Variants in AFF3 observed in about 807,000 individuals in gnomAD.
AFF3 encodes the protein ALF transcription elongation factor 3.
Under a neutral mutation model 129.7 loss-of-function variants are expected in AFF3, and 32 were observed. The observed-to-expected ratio is 0.25, with a 90% CI of 0.19 to 0.33. The LOEUF (loss-of-function observed/expected upper bound fraction) is 0.33, where lower values mean the gene tolerates loss of function less well. Ranked by LOEUF, AFF3 falls within the 10% of genes least tolerant of loss-of-function variation. AFF3 has a pLI of 1.00. For missense variants in AFF3, 1,373 were observed against 1,592.0 expected, an observed-to-expected ratio of 0.86 and a Z score of 2.34; for synonymous variants, 644 against 635.4, an observed-to-expected ratio of 1.01 and a Z score of -0.20.
rs1388527293 is a variant in AFF3 at position 100,008,951 on chromosome 2, G to C, written c.54-19C>G. 1 of 1,612,900 alleles carries C rather than the reference G, an allele frequency of 6.2e-7. No individual in the cohort carries two copies. Reference sequence around the variant, plus strand: ...ATAGACACTGCATCAGGAAAAAGAAGAGAGAACAACCACACACACAAATTA... The same window carrying C: ...ATAGACACTGCATCAGGAAAAAGAACAGAGAACAACCACACACACAAATTA... On this transcript the variant is annotated intron_variant, in intron 4 of 24. Coordinates refer to ENST00000672756, the MANE Select transcript of AFF3 (RefSeq NM_001386135.1).
Position 99,994,868 on chromosome 2 carries a change from G to A in AFF3, c.873+11764C>T, listed in dbSNP as rs192399648. ...AAGTAGGGTTCACCCTATATTTGAGGTACAGAAACTCAAGTCCAGACATCA... is the reference window on the plus strand; with the variant it reads ...AAGTAGGGTTCACCCTATATTTGAGATACAGAAACTCAAGTCCAGACATCA... On this transcript the variant is annotated intron_variant, in intron 7 of 24. Transcript: ENST00000672756. Among the ~76,000 whole-genome samples, 288 of 152,214 alleles carry A rather than the reference G, an allele frequency of 1.9e-3. 1 individual carries two copies. Among genetic ancestry groups the A allele is most frequent in the South Asian group, 3.3e-3 (16 of 4,812 alleles).
At chr2:99,687,992 G>A (rs1558748197) in intron 11 of AFF3, among the ~76,000 whole-genome samples, 2 of 152,132 alleles carry the variant, frequency 1.3e-5, no homozygotes, top group Admixed American at 6.5e-5. Context: ...ACAGGTGCCC[G>A]CCACCACGCC....
At chr2:100,102,124 A>G (rs1690779239) in intron 4 of AFF3, among the ~76,000 whole-genome samples, 1 of 152,192 alleles carries the variant, frequency 6.6e-6, no homozygotes, top group African/African-American at 2.4e-5. Context: ...GGACACACAG[A>G]AAGTTCTCAA....
At chr2:100,114,474 C>T (rs1573454394) in intron 2 of AFF3, among the ~76,000 whole-genome samples, 2 of 152,100 alleles carry the variant, frequency 1.3e-5, no homozygotes, top group East Asian at 1.9e-4. Flanking sequence ...CTCTGCCTCC[C>T]GAGTTCAAGG....
chr2:99,622,496 A>C, intron 13 of AFF3, among the ~76,000 whole-genome samples: 1 of 152,222 alleles, frequency 6.6e-6, no homozygotes, highest in East Asian at 1.9e-4. Context: ...GGAATGAAAT[A>C]AACTAGAATG....
chr2:99,676,913 C>T (rs1026707347), intron 11 of AFF3, among the ~76,000 whole-genome samples: 19 of 152,110 alleles, frequency 1.2e-4, no homozygotes, highest in Non-Finnish European at 4.4e-5. Context: ...AGTCCCTCCA[C>T]GAGGAGCCAA....
At chr2:99,954,377 A>G (rs1676435433) in intron 7 of AFF3, among the ~76,000 whole-genome samples, 1 of 152,172 alleles carries the variant, frequency 6.6e-6, no homozygotes, top group Non-Finnish European at 1.5e-5. Context: ...GGGATCTAGA[A>G]CTAGAAATAC....
At chr2:99,839,008 C>T (rs1189068226) in intron 7 of AFF3, among the ~76,000 whole-genome samples, 3 of 151,894 alleles carry the variant, frequency 2.0e-5, no homozygotes, top group African/African-American at 7.3e-5. Flanking sequence ...GAGACCTTCT[C>T]CTACCCAGAA....
At chr2:99,609,251 G>C (rs1050662951) in intron 13 of AFF3, among the ~76,000 whole-genome samples, 7 of 151,498 alleles carry the variant, frequency 4.6e-5, no homozygotes, top group East Asian at 1.9e-4. Flanking sequence ...TAGGTTTTTG[G>C]GGGGGAGGGG....
Position 100,006,978 on chromosome 2 carries a change from A to G in AFF3, c.527T>C (p.Val176Ala), listed in dbSNP as rs761392199. 1 of 1,613,020 alleles carries G rather than the reference A, an allele frequency of 6.2e-7. No individual in the cohort carries two copies. Among genetic ancestry groups the G allele is most frequent in the South Asian group, 1.1e-5 (1 of 90,978 alleles). ...TTTGGCCCGAGGCTGCTGTCTGCCAACACCATCTCCAAGCAAGGTCCTGAG... is the reference window on the plus strand; with the variant it reads ...TTTGGCCCGAGGCTGCTGTCTGCCAGCACCATCTCCAAGCAAGGTCCTGAG... ...GSLRTLLGDG[V>A]GRQQPRAKQV... is the part of the protein sequence containing the mutation. Residue 176 changes from valine (V) to alanine (A), a missense_variant, in exon 7 of 25, where the codon GTT becomes GCT. Val to Ala is a moderately conservative substitution (Grantham distance 64). Transcript: ENST00000672756.
intron 7 of AFF3, among the ~76,000 whole-genome samples, chr2:99,959,022 A>G (rs1173925093): frequency 6.6e-6 from 1 of 151,984 alleles, no homozygotes; most frequent in Non-Finnish European, 1.5e-5. Flanking sequence ...GATTGAGTCC[A>G]GGAGTATGAG....
chr2:99,848,717 T>A (rs1342223230), intron 7 of AFF3, among the ~76,000 whole-genome samples: 3 of 152,094 alleles, frequency 2.0e-5, no homozygotes, highest in African/African-American at 4.8e-5. Flanking sequence ...AAACGAAAAA[T>A]TGTCATGGTT....
chr2:99,928,727 G>A (rs145052576), intron 7 of AFF3, among the ~76,000 whole-genome samples: 2,039 of 152,272 alleles, frequency 0.013, 11 homozygotes, highest in Non-Finnish European at 0.016. Flanking sequence ...TCCGGAGGCC[G>A]GTCTTGGCCA....
chr2:100,009,117 G>A (rs1352530591), intron 4 of AFF3, among the ~76,000 whole-genome samples, 185 bp from the exon 5 acceptor site: 2 of 152,106 alleles, frequency 1.3e-5, no homozygotes, highest in Non-Finnish European at 2.9e-5. Flanking sequence ...TACATTCTTT[G>A]GGGGGAAAAG....
At chr2:99,809,566 T>G (rs903312612) in intron 8 of AFF3, among the ~76,000 whole-genome samples, 1 of 152,226 alleles carries the variant, frequency 6.6e-6, no homozygotes, top group African/African-American at 2.4e-5. Flanking sequence ...CTGTCTGTCC[T>G]CAGAGCCACC....
intron 10 of AFF3, among the ~76,000 whole-genome samples, chr2:99,740,663 TG>T (rs1423624696): frequency 2.6e-5 from 4 of 151,854 alleles, no homozygotes; most frequent in African/African-American, 9.7e-5. Context: ...TGGGGTTGTT[TG>T]TTTTTTTTCT....
chr2:100,021,727 T>C (rs1160418448), intron 4 of AFF3, among the ~76,000 whole-genome samples: 2 of 152,218 alleles, frequency 1.3e-5, no homozygotes, highest in African/African-American at 4.8e-5. Flanking sequence ...AACATTATTA[T>C]GCTCATTTTA....
rs111248808 is a variant in AFF3 at position 99,713,095 on chromosome 2, G to A, written c.1091+13982C>T. Among the ~76,000 whole-genome samples the A allele has an allele frequency of 2.2e-3, 334 of 152,254 alleles. 3 individuals carry two copies. Among genetic ancestry groups the A allele is most frequent in the African/African-American group, 7.9e-3 (327 of 41,550 alleles). ...AATGGGGAGGAGCAGGGAACAGGGA[G>A]TTATTGTTTAATGGGCACAGAGTTT... On this transcript the variant is annotated intron_variant, in intron 11 of 24. Coordinates refer to ENST00000672756, the MANE Select transcript of AFF3 (RefSeq NM_001386135.1).
chr2:99,645,814 C>T (rs949978055), intron 13 of AFF3, among the ~76,000 whole-genome samples: 2 of 152,142 alleles, frequency 1.3e-5, no homozygotes, highest in South Asian at 4.1e-4. Context: ...TTAAAGCATA[C>T]AGTCTAAACT....
Sources: gnomAD v4.1 joint callset for allele counts (sites outside exome capture counted in the v4.1 genomes callset) on GRCh38, gnomAD v4.1.1 for gene constraint, MANE v1.5 for transcripts, NCBI Gene and HGNC (gene_info 2026-07-23, HGNC 2026-07-21) for gene names.